Variants in HIVEP2 observed in about 807,000 individuals in gnomAD.
The protein encoded by HIVEP2 is HIVEP zinc finger 2, also known as transcription factor HIVEP2.
Under a neutral mutation model 180.7 loss-of-function variants are expected in HIVEP2, and 14 were observed. The ratio of observed to expected loss-of-function variants is 0.08; its 90% CI spans 0.05 to 0.12. The LOEUF is 0.12. Among genes scored for constraint, HIVEP2 ranks in the 10% least tolerant of loss-of-function variants. The probability of loss-of-function intolerance (pLI) is 1.00; values close to 1 mark genes in which losing one functional copy is unlikely to be tolerated. For missense variants in HIVEP2, 2,579 were observed against 3,008.5 expected, an observed-to-expected ratio of 0.86 and a Z score of 3.34; for synonymous variants, 1,184 against 1,136.4, an observed-to-expected ratio of 1.04 and a Z score of -0.84.
intron 2 of HIVEP2, among the ~76,000 whole-genome samples, chr6:142,828,032 A>T (rs1774960225): frequency 6.6e-6 from 1 of 152,198 alleles, no homozygotes; most frequent in South Asian, 2.1e-4. Context: ...ACCTCTTCAA[A>T]TTCACACAGC....
chr6:142,791,829 C>A (rs143282437), intron 2 of HIVEP2, among the ~76,000 whole-genome samples: 55 of 152,208 alleles, frequency 3.6e-4, no homozygotes, highest in African/African-American at 1.3e-3. Context: ...AGAGAACATT[C>A]TGCTTTCAAA....
At chr6:142,893,373 G>T (rs1048212578) in intron 1 of HIVEP2, among the ~76,000 whole-genome samples, 1 of 152,170 alleles carries the variant, frequency 6.6e-6, no homozygotes, top group African/African-American at 2.4e-5. Flanking sequence ...TCCTAATGCG[G>T]CAAGTGTGCA....
intron 1 of HIVEP2, among the ~76,000 whole-genome samples, chr6:142,919,345 G>C (rs932705118): frequency 6.6e-6 from 1 of 152,162 alleles, no homozygotes; most frequent in African/African-American, 2.4e-5. Flanking sequence ...GCCAGTTTCA[G>C]AGCTTTATAG....
chr6:142,849,797 G>C lies in HIVEP2; in HGVS notation c.-640-12750C>G, dbSNP rs370265975. ...GCCTCCCTAAGTGCTGGGACTACAGGTATGAGCCACCACGCCTGGCCTAGA... is the reference window on the plus strand; with the variant it reads ...GCCTCCCTAAGTGCTGGGACTACAGCTATGAGCCACCACGCCTGGCCTAGA... On this transcript the variant is annotated intron_variant, in intron 1 of 9. Transcript: ENST00000367603. Among the ~76,000 whole-genome samples the C allele has an allele frequency of 1.1e-4, 17 of 152,240 alleles. No homozygotes were observed. In the South Asian group the frequency reaches 3.5e-3, roughly 32 times the overall value.
chr6:142,934,680 T>C (rs1041183728), intron 1 of HIVEP2, among the ~76,000 whole-genome samples: 3 of 152,194 alleles, frequency 2.0e-5, no homozygotes, highest in Non-Finnish European at 4.4e-5. Context: ...CATGGATAAT[T>C]AGAAGCTGAA....
intron 1 of HIVEP2, among the ~76,000 whole-genome samples, chr6:142,888,178 C>T (rs1030190912): frequency 6.6e-6 from 1 of 152,096 alleles, no homozygotes; most frequent in African/African-American, 2.4e-5. Context: ...CTCCTTTAGT[C>T]TCAGTATTAT....
intron 1 of HIVEP2, among the ~76,000 whole-genome samples, chr6:142,890,183 T>C (rs1449387927): frequency 2.0e-5 from 3 of 152,174 alleles, no homozygotes; most frequent in African/African-American, 4.8e-5. Flanking sequence ...CTTTGCAAAT[T>C]AGCTCTAACA....
At chr6:142,945,426 T>C (rs1213715385), upstream of HIVEP2, among the ~76,000 whole-genome samples, 2 of 151,590 alleles carry the variant, frequency 1.3e-5, no homozygotes, top group Non-Finnish European at 2.9e-5. This position sits in a 1 kb window ranked among gnomAD's most constrained non-coding sequence, Gnocchi z 5.5. Flanking sequence ...GCGATTCCAA[T>C]ATAAAGTGAA....
chr6:142,932,981 TAA>T (rs2128439105), intron 1 of HIVEP2, among the ~76,000 whole-genome samples: 1 of 152,344 alleles, frequency 6.6e-6, no homozygotes, highest in East Asian at 1.9e-4. Flanking sequence ...CTAGACACTT[TAA>T]GAGATGCCCT....
intron 2 of HIVEP2, among the ~76,000 whole-genome samples, chr6:142,828,845 T>C (rs1236854095): frequency 1.3e-5 from 2 of 152,202 alleles, no homozygotes; most frequent in African/African-American, 4.8e-5. Context: ...CCATAAATGT[T>C]GGTTGATTTA....
intron 1 of HIVEP2, among the ~76,000 whole-genome samples, chr6:142,863,627 G>C (rs1776061975): frequency 6.6e-6 from 1 of 152,182 alleles, no homozygotes; most frequent in African/African-American, 2.4e-5. Context: ...TAAGTTTAGA[G>C]AAGAGGTCAA....
chr6:142,810,659 G>A (rs942991615), intron 2 of HIVEP2, among the ~76,000 whole-genome samples: 1 of 151,522 alleles, frequency 6.6e-6, no homozygotes, highest in African/African-American at 2.4e-5. Flanking sequence ...CTACTCATGA[G>A]GCTGAGGCAG....
intron 1 of HIVEP2, among the ~76,000 whole-genome samples, chr6:142,901,323 A>G (rs1040439439): frequency 6.6e-6 from 1 of 152,204 alleles, no homozygotes; most frequent in African/African-American, 2.4e-5. Context: ...ATAACCAGTA[A>G]GTATTTTCTC....
intron 1 of HIVEP2, among the ~76,000 whole-genome samples, chr6:142,890,837 A>G (rs1432076917): frequency 6.6e-6 from 1 of 152,228 alleles, no homozygotes; most frequent in Non-Finnish European, 1.5e-5. Flanking sequence ...AACACCAGGT[A>G]TCTGTCTTGA....
At chr6:142,892,310 G>A (rs183760803) in intron 1 of HIVEP2, among the ~76,000 whole-genome samples, 234 of 152,282 alleles carry the variant, frequency 1.5e-3, no homozygotes, top group African/African-American at 5.3e-3. Flanking sequence ...AAGAAGTCAT[G>A]TCTAAGGGCA....
At chr6:142,944,520 T>G (rs925972164) in intron 1 of HIVEP2, among the ~76,000 whole-genome samples, 2 of 149,294 alleles carry the variant, frequency 1.3e-5, no homozygotes, top group South Asian at 2.1e-4. Flanking sequence ...AGGCGGGGGG[T>G]GGGGGTGAAA....
intron 1 of HIVEP2, among the ~76,000 whole-genome samples, chr6:142,921,391 C>T (rs1381319176): frequency 6.6e-6 from 1 of 152,136 alleles, no homozygotes; most frequent in African/African-American, 2.4e-5. Context: ...AAAAATTAGC[C>T]AGGCGTGGTG....
At chr6:142,879,577 C>A (rs1475888625) in intron 1 of HIVEP2, among the ~76,000 whole-genome samples, 1 of 151,120 alleles carries the variant, frequency 6.6e-6, no homozygotes, top group Non-Finnish European at 1.5e-5. Flanking sequence ...TAATGCAAGA[C>A]CCCCTTCTCT....
chr6:142,801,081 T>A (rs1776394302), intron 2 of HIVEP2, among the ~76,000 whole-genome samples: 1 of 150,984 alleles, frequency 6.6e-6, no homozygotes, highest in Non-Finnish European at 1.5e-5. Context: ...GGGTAGCCCA[T>A]GTGATGGCTC....
Sources: allele counts gnomAD v4.1 joint callset (sites outside exome capture counted in the v4.1 genomes callset), GRCh38; gene constraint gnomAD v4.1.1; non-coding constraint Gnocchi (gnomAD v3.1); transcripts MANE v1.5; gene names NCBI Gene and HGNC (gene_info 2026-07-23, HGNC 2026-07-21).